The following CLASP1 variants were observed in gnomAD, a reference collection of about 807,000 sequenced individuals.
CLASP1 encodes cytoplasmic linker associated protein 1, also known as CLIP-associating protein 1.
Under a neutral mutation model 192.3 loss-of-function variants are expected in CLASP1, and 38 were observed. That is an observed-to-expected ratio of 0.20 (90% CI 0.15 to 0.26). The LOEUF is 0.26. Among genes scored for constraint, CLASP1 ranks in the 10% least tolerant of loss-of-function variants. The probability of loss-of-function intolerance (pLI) is 1.00; values close to 1 mark genes in which losing one functional copy is unlikely to be tolerated. For missense variants in CLASP1, 1,433 were observed against 1,932.5 expected (o/e 0.74, Z 4.85); for synonymous variants, 691 against 712.8 (o/e 0.97, Z 0.49).
intron 37 of CLASP1, among the ~76,000 whole-genome samples, chr2:121,362,819 C>T (rs1276996420): frequency 6.6e-6 from 1 of 152,250 alleles, no homozygotes; most frequent in African/African-American, 2.4e-5. Context: ...CAAAGCTGGT[C>T]TCCACCTCCC....
At chr2:121,614,085 C>G (rs2066059542) in intron 1 of CLASP1, among the ~76,000 whole-genome samples, 2 of 152,160 alleles carry the variant, frequency 1.3e-5, no homozygotes, top group African/African-American at 4.8e-5. Flanking sequence ...GGCTGGAGCA[C>G]TCCAAGATGA....
intron 1 of CLASP1, among the ~76,000 whole-genome samples, chr2:121,610,359 GGAA>G (rs1428738123): frequency 6.6e-6 from 1 of 150,392 alleles, no homozygotes; most frequent in African/African-American, 2.4e-5. Context: ...TGGAGGAGGA[GGAA>G]GAGTTACAGG....
intron 1 of CLASP1, among the ~76,000 whole-genome samples, chr2:121,628,891 A>G (rs2068911478): frequency 6.6e-6 from 1 of 151,836 alleles, no homozygotes; most frequent in Admixed American, 6.6e-5. Flanking sequence ...CATCTCAAAA[A>G]AAAAAAAAAA....
intron 1 of CLASP1, among the ~76,000 whole-genome samples, chr2:121,626,491 A>T (rs995799926): frequency 1.3e-5 from 2 of 152,224 alleles, no homozygotes; most frequent in African/African-American, 4.8e-5. Context: ...TGTAATTATA[A>T]TGCCTATTTT....
At chr2:121,360,257 C>T (rs1439578863) in intron 37 of CLASP1, among the ~76,000 whole-genome samples, 2 of 152,180 alleles carry the variant, frequency 1.3e-5, no homozygotes, top group Non-Finnish European at 2.9e-5. Context: ...AACCAACTAG[C>T]TTCTTATTGA....
chr2:121,450,458 A>T (rs1189062671), intron 16 of CLASP1, among the ~76,000 whole-genome samples: 1 of 152,204 alleles, frequency 6.6e-6, no homozygotes, highest in African/African-American at 2.4e-5. Context: ...TATCACTGTG[A>T]TAATCCCAGG....
At position 121,469,092 on chromosome 2, in the gene CLASP1, C is replaced by T. The variant is rs555663855; in HGVS notation, c.865+716G>A. On this transcript the variant is annotated intron_variant, in intron 9 of 39. Transcript: ENST00000263710. ...ACAGTCTGGTCACTCTTCCGTGGGG[C>T]TGCTGCTACTCAGCTTTCTACAGAT... 3.3e-5 allele frequency among the ~76,000 whole-genome samples: 5 copies of T among 152,286 alleles called. No individual in the cohort carries two copies. In the South Asian group the frequency reaches 1.0e-3, roughly 32 times the overall value.
intron 1 of CLASP1, among the ~76,000 whole-genome samples, chr2:121,640,728 A>G (rs1288379294): frequency 6.6e-6 from 1 of 152,254 alleles, no homozygotes; most frequent in Non-Finnish European, 1.5e-5. Context: ...GAAGATTTTA[A>G]AAGCCAAATT....
intron 1 of CLASP1, among the ~76,000 whole-genome samples, chr2:121,637,075 T>C (rs1231009856): frequency 6.6e-6 from 1 of 152,196 alleles, no homozygotes; most frequent in Non-Finnish European, 1.5e-5. Flanking sequence ...AAATAGAACA[T>C]ATACTCTCCT....
intron 8 of CLASP1, chr2:121,470,619 G>A (rs10203105): frequency 2.2e-6 from 1 of 446,828 alleles, no homozygotes; most frequent in Non-Finnish European, 4.4e-6. Flanking sequence ...CTCACCATTA[G>A]AAATGCAATA....
intron 6 of CLASP1, 110 bp from the exon 7 acceptor site, chr2:121,515,872 C>T: frequency 1.3e-6 from 1 of 789,462 alleles, no homozygotes; most frequent in East Asian, 2.6e-5. Flanking sequence ...TTTACCAGTG[C>T]AACTGTGAAT....
At chr2:121,551,941 G>A (rs527263063) in intron 2 of CLASP1, among the ~76,000 whole-genome samples, 1 of 152,048 alleles carries the variant, frequency 6.6e-6, no homozygotes, top group East Asian at 1.9e-4. Context: ...CATTACCTGA[G>A]TTCAAACTAT....
chr2:121,422,498 T>C (rs1043686999), intron 22 of CLASP1, among the ~76,000 whole-genome samples: 5 of 152,184 alleles, frequency 3.3e-5, no homozygotes, highest in East Asian at 1.9e-4. Flanking sequence ...ATAATCACTA[T>C]AGATACTAGT....
chr2:121,612,628 C>T (rs2065806436), intron 1 of CLASP1, among the ~76,000 whole-genome samples: 1 of 152,112 alleles, frequency 6.6e-6, no homozygotes, highest in Non-Finnish European at 1.5e-5. Context: ...CTTCCATCCA[C>T]CCATGTCCTG....
chr2:121,479,953 T>C (rs1015638921), intron 8 of CLASP1, among the ~76,000 whole-genome samples: 4 of 152,164 alleles, frequency 2.6e-5, no homozygotes, highest in South Asian at 2.1e-4. Flanking sequence ...GCTAGCAGAG[T>C]GCTACTTCTG....
intron 2 of CLASP1, 72 bp from the exon 3 acceptor site, chr2:121,530,397 G>A (rs1367191662): frequency 1.6e-6 from 2 of 1,265,594 alleles, no homozygotes; most frequent in Admixed American, 2.0e-5. Context: ...CCCGCTCCGG[G>A]GAGGCCTAGA....
chr2:121,426,266 C>T (rs2080357916), intron 21 of CLASP1, among the ~76,000 whole-genome samples: 2 of 152,130 alleles, frequency 1.3e-5, no homozygotes, highest in South Asian at 4.1e-4. Context: ...GAATAAAACA[C>T]AGCATTTAAA....
At chr2:121,558,310 T>C (rs921029294) in intron 2 of CLASP1, among the ~76,000 whole-genome samples, 2 of 152,112 alleles carry the variant, frequency 1.3e-5, no homozygotes, top group Non-Finnish European at 2.9e-5. Context: ...ATCACCCAGA[T>C]TGAAAATGGG....
At chr2:121,364,844 T>A in intron 36 of CLASP1, 3 of 513,880 alleles carry the variant, frequency 5.8e-6, no homozygotes, top group Non-Finnish European at 1.1e-5. Flanking sequence ...GATGCAGGAA[T>A]GAAGTTTCCT....
Sources: gnomAD v4.1 joint callset for allele counts (sites outside exome capture counted in the v4.1 genomes callset) on GRCh38, gnomAD v4.1.1 for gene constraint, MANE v1.5 for transcripts, NCBI Gene and HGNC (gene_info 2026-07-23, HGNC 2026-07-21) for gene names.